Variants in GRHPR observed in about 807,000 individuals in gnomAD.
GRHPR encodes the protein glyoxylate reductase/hydroxypyruvate reductase.
Under a neutral mutation model 36.8 loss-of-function variants are expected in GRHPR, and 35 were observed. That is an observed-to-expected ratio of 0.95 (90% CI 0.73 to 1.26). The LOEUF is 1.26. Among genes scored for constraint, GRHPR ranks in the 50% most tolerant of loss-of-function variants. The pLI is 0.00. For missense variants in GRHPR, 380 were observed against 435.0 expected (o/e 0.87, Z 1.12); for synonymous variants, 179 against 181.0 (o/e 0.99, Z 0.09).
At chr9:37,438,166 CACT>C (rs1249226318), downstream of GRHPR, 1 of 152,504 alleles carries the variant, frequency 6.6e-6, no homozygotes, top group Non-Finnish European at 1.5e-5. Context: ...AGCATAGCAC[CACT>C]GACATGGATG....
rs1163462341 is a variant in GRHPR at position 37,424,925 on chromosome 9, T to C, written c.164T>C (p.Leu55Pro). 6.2e-7 allele frequency: 1 copy of C among 1,611,252 alleles called. No homozygotes were observed. Among genetic ancestry groups the C allele is most frequent in the South Asian group, 1.1e-5 (1 of 91,000 alleles). ...LERGVAGAHG[L>P]LCLLSDHVDK... ...CGAGGTGTGGCGGGGGCCCACGGCC[T>C]GCTCTGCCTCCTCTCCGACCACGTG... The change falls in exon 2 of 9, where the codon CTG becomes CCG. Residue 55 changes from leucine (L) to proline (P), a missense_variant. Coordinates refer to ENST00000318158, the MANE Select transcript of GRHPR (RefSeq NM_012203.2).
Position 37,426,535 on chromosome 9 carries a change from T to C in GRHPR, c.288-3T>C, listed in dbSNP as rs773615334. ...ATGTTACCACCAGATGTCTGATTCG[T>C]AGTGGGATCCGAGTTGGCTACACCC... is the stretch of plus-strand genomic sequence containing the variant. On this transcript the variant is annotated splice_polypyrimidine_tract_variant and splice_region_variant and intron_variant, in intron 3 of 8. Transcript: ENST00000318158. 6 of 1,580,560 alleles carry C rather than the reference T, an allele frequency of 3.8e-6. No individual in the cohort carries two copies. The South Asian group carries it at 5.5e-5, about 15-fold the overall frequency.
At position 37,431,631 on chromosome 9, in the gene GRHPR, G is replaced by A. The variant is rs564783067; in HGVS notation, c.735-377G>A. 19 of 279,252 alleles carry A rather than the reference G, an allele frequency of 6.8e-5. No individual in the cohort carries two copies. In the East Asian group the frequency reaches 1.6e-3, roughly 24 times the overall value. The allele number at this position is 279,252 out of a possible 1,614,324, so 17.3% of individuals were successfully genotyped here. On this transcript the variant is annotated intron_variant, in intron 7 of 8. Transcript: ENST00000318158. ...GGGGTCAACCAGATCAGAAACACTT[G>A]GATGGGGCCTAACACAGATGCCCTT...
At position 37,424,995 on chromosome 9, in the gene GRHPR, G is replaced by A. The variant is rs1470474612; in HGVS notation, c.214+20G>A. 6 of 1,609,598 alleles carry A rather than the reference G, an allele frequency of 3.7e-6. No individual in the cohort carries two copies. Among genetic ancestry groups the A allele is most frequent in the Middle Eastern group, 1.7e-4 (1 of 5,914 alleles). On this transcript the variant is annotated intron_variant, in intron 2 of 8. Coordinates refer to ENST00000318158, the MANE Select transcript of GRHPR (RefSeq NM_012203.2). ...CTGCAGGTGCACACTGGGTGGGCAG[G>A]GGACTTGAGGGTGGCTTGGCCCTGT...
chr9:37,432,552 C>G, intron 8 of GRHPR: 1 of 262,592 alleles, frequency 3.8e-6, no homozygotes, highest in South Asian at 4.3e-5. Flanking sequence ...GTGGTGCATG[C>G]CTATAGTCCC....
intron 7 of GRHPR, chr9:37,431,257 A>T: frequency 3.0e-6 from 1 of 336,248 alleles, no homozygotes; most frequent in South Asian, 2.3e-5. Flanking sequence ...CATCCTGAGG[A>T]CTCGTCCACC....
intron 5 of GRHPR, 39 bp from the exon 6 acceptor site, chr9:37,429,693 G>T: frequency 1.5e-6 from 2 of 1,328,104 alleles, no homozygotes; most frequent in Non-Finnish European, 2.2e-6. Context: ...CCTACCCTTT[G>T]CGGGACTGGG....
intron 8 of GRHPR, among the ~76,000 whole-genome samples, chr9:37,435,679 C>G (rs541625211): frequency 6.6e-6 from 1 of 151,536 alleles, no homozygotes; most frequent in East Asian, 2.0e-4. Flanking sequence ...TCACTTGAGG[C>G]CAGGAGTTCA....
chr9:37,428,625 CA>C (rs776773819), intron 5 of GRHPR, 53 bp downstream of exon 5: 1 of 1,174,292 alleles, frequency 8.5e-7, no homozygotes, highest in East Asian at 2.3e-5. Context: ...GCGTGGTTTG[CA>C]TCCCTGGCAC....
At chr9:37,436,601 C>T (rs1449629613) in intron 8 of GRHPR, 60 bp from the exon 9 acceptor site, 3 of 1,600,362 alleles carry the variant, frequency 1.9e-6, no homozygotes, top group Non-Finnish European at 8.6e-7. Context: ...GAAAACAGCC[C>T]AGCTGAAGGC....
At chr9:37,430,300 C>T in intron 6 of GRHPR, 5 of 637,498 alleles carry the variant, frequency 7.8e-6, no homozygotes. Flanking sequence ...GCACTTTGGG[C>T]CCTGAAGGTA....
chr9:37,426,483 A>G, intron 3 of GRHPR, 55 bp from the exon 4 acceptor site: 2 of 1,081,894 alleles, frequency 1.8e-6, no homozygotes, highest in Admixed American at 1.7e-5. Context: ...TCCCAGCAGT[A>G]GACATTGGTA....
intron 6 of GRHPR, chr9:37,430,115 G>A (rs1823288987): frequency 3.7e-6 from 2 of 545,882 alleles, no homozygotes; most frequent in South Asian, 4.0e-5. Context: ...CAGCGGGGAT[G>A]GTGGTGGGTG....
At chr9:37,429,316 C>T (rs1352362213) in intron 5 of GRHPR, 4 of 280,444 alleles carry the variant, frequency 1.4e-5, no homozygotes, top group Non-Finnish European at 2.1e-5. Context: ...TTGGCAGTGC[C>T]ACCAAAAAGT....
Position 37,436,896 on chromosome 9 carries a change from G to T in GRHPR, c.*114G>T, listed in dbSNP as rs1436120940. 1.7e-6 allele frequency: 2 copies of T among 1,169,016 alleles called. No homozygotes were observed. Among genetic ancestry groups the T allele is most frequent in the African/African-American group, 1.5e-5 (1 of 66,442 alleles). 72.4% of individuals were successfully genotyped at this position (1,169,016 alleles called of 1,614,324 possible). ...CCAAGGGAAGGTGTGATTCTCTGAGGAAAGAGTGATTCTGATATATGTACT... is the reference window on the plus strand; with the variant it reads ...CCAAGGGAAGGTGTGATTCTCTGAGTAAAGAGTGATTCTGATATATGTACT... On this transcript the variant is annotated 3_prime_UTR_variant, in exon 9 of 9. Coordinates refer to ENST00000318158, the MANE Select transcript of GRHPR (RefSeq NM_012203.2).
intron 1 of GRHPR, among the ~76,000 whole-genome samples, chr9:37,423,916 T>C (rs1044806082): frequency 7.2e-5 from 11 of 152,216 alleles, no homozygotes; most frequent in African/African-American, 2.7e-4. Flanking sequence ...GACTTAGGGT[T>C]AAGTTTCTTC....
chr9:37,436,951 CA>C lies in GRHPR; in HGVS notation c.*173del. On this transcript the variant is annotated 3_prime_UTR_variant, in exon 9 of 9. Transcript: ENST00000318158. Reference sequence around the variant, plus strand: ...ACATTGGTGTTGGACACATTTGCGCCAAAAGTATGGTAATTCTATTATTAAA... The same window carrying C: ...ACATTGGTGTTGGACACATTTGCGCCAAAGTATGGTAATTCTATTATTAAA... 2.8e-6 allele frequency: 2 copies of C among 705,964 alleles called. No homozygotes were observed. Among genetic ancestry groups the C allele is most frequent in the Non-Finnish European group, 5.0e-6 (2 of 403,686 alleles). The allele number at this position is 705,964 out of a possible 1,614,324, so 43.7% of individuals were successfully genotyped here.
chr9:37,424,373 A>T (rs1189968582), intron 1 of GRHPR, among the ~76,000 whole-genome samples: 2 of 152,248 alleles, frequency 1.3e-5, no homozygotes, highest in African/African-American at 4.8e-5. Flanking sequence ...GGTTGCTGTG[A>T]GCTGCCGTGG....
At chr9:37,422,532 C>T (rs1564294454), upstream of GRHPR, 1 of 602,060 alleles carries the variant, frequency 1.7e-6, no homozygotes, top group African/African-American at 1.9e-5. Flanking sequence ...CCCACACACA[C>T]ACAAGGACAC....
Sources: allele counts gnomAD v4.1 joint callset (sites outside exome capture counted in the v4.1 genomes callset), GRCh38; gene constraint gnomAD v4.1.1; transcripts MANE v1.5; gene names NCBI Gene and HGNC (gene_info 2026-07-23, HGNC 2026-07-21).